The following C17orf67 variants were observed in gnomAD, a reference collection of about 807,000 sequenced individuals.
The protein encoded by C17orf67 is chromosome 17 open reading frame 67.
C17orf67 carries 12 observed loss-of-function variants against 11.2 expected under a neutral mutation model. That is an observed-to-expected ratio of 1.07 (90% CI 0.68 to 1.73). C17orf67 has a LOEUF of 1.73. C17orf67 is among the 40% of genes most tolerant of loss of function. The pLI is 0.00. For synonymous variants in C17orf67, 59 were observed against 46.9 expected, an observed-to-expected ratio of 1.26 and a Z score of -1.05; for missense variants, 115 against 113.5, an observed-to-expected ratio of 1.01 and a Z score of -0.06.
At chr17:56,806,929 GC>G (rs1905465873) in intron 6 of C17orf67, among the ~76,000 whole-genome samples, 1 of 152,224 alleles carries the variant, frequency 6.6e-6, no homozygotes, top group Admixed American at 6.5e-5. Flanking sequence ...TGTCCCCTTA[GC>G]CCAATGTGGA....
intron 7 of C17orf67, 131 bp from the exon 8 acceptor site, chr17:56,792,483 A>T (rs1905121030): frequency 7.2e-6 from 1 of 138,634 alleles, no homozygotes; most frequent in Non-Finnish European, 1.6e-5. Context: ...GATGATGGTT[A>T]TGATGGTGGT....
intron 7 of C17orf67, 134 bp downstream of exon 7, chr17:56,794,910 A>G (rs1159796454): frequency 1.9e-6 from 1 of 516,278 alleles, no homozygotes; most frequent in African/African-American, 2.2e-5. Flanking sequence ...CACTCTTGCC[A>G]CCCCCATTCC....
intron 2 of C17orf67, among the ~76,000 whole-genome samples, chr17:56,826,422 G>A (rs189122795): frequency 1.3e-5 from 2 of 152,206 alleles, no homozygotes; most frequent in African/African-American, 4.8e-5. Flanking sequence ...GCCCAAGGAG[G>A]TGAACTGACA....
intron 6 of C17orf67, among the ~76,000 whole-genome samples, chr17:56,799,821 G>A (rs1013956830): frequency 1.3e-5 from 2 of 152,012 alleles, no homozygotes; most frequent in Non-Finnish European, 2.9e-5. Context: ...CCCTAATGAT[G>A]TACGATGTTT....
intron 6 of C17orf67, among the ~76,000 whole-genome samples, chr17:56,806,282 A>AT (rs1426014329): frequency 6.6e-6 from 1 of 151,842 alleles, no homozygotes; most frequent in Admixed American, 6.6e-5. Context: ...CCTACAGTTG[A>AT]TTTTCTTTTA....
At chr17:56,809,181 C>A (rs1010023403) in intron 6 of C17orf67, among the ~76,000 whole-genome samples, 1 of 151,946 alleles carries the variant, frequency 6.6e-6, no homozygotes, top group Non-Finnish European at 1.5e-5. Flanking sequence ...TTCCTATTTC[C>A]CAGGTATGAC....
chr17:56,792,537 G>C (rs202041138), intron 7 of C17orf67, among the ~76,000 whole-genome samples, 185 bp from the exon 8 acceptor site: 1 of 149,000 alleles, frequency 6.7e-6, no homozygotes, highest in East Asian at 2.0e-4. Flanking sequence ...GGTGGTGGTG[G>C]TGGTGATGAT....
intron 6 of C17orf67, among the ~76,000 whole-genome samples, chr17:56,810,707 G>C (rs995219918): frequency 6.6e-6 from 1 of 152,244 alleles, no homozygotes. Context: ...ATGTGGGCCC[G>C]TATGGCAGCT....
chr17:56,831,103 G>C (rs1157483732), intron 2 of C17orf67, among the ~76,000 whole-genome samples: 1 of 152,164 alleles, frequency 6.6e-6, no homozygotes, highest in South Asian at 2.1e-4. Flanking sequence ...TAAAAGTTCA[G>C]AGGCAGCCTG....
chr17:56,815,543 T>G (rs1429602430), intron 5 of C17orf67, among the ~76,000 whole-genome samples: 2 of 152,158 alleles, frequency 1.3e-5, no homozygotes, highest in East Asian at 3.8e-4. Flanking sequence ...TGAGAATTAG[T>G]GCTCAAATAC....
At chr17:56,822,458 C>T (rs927201727) in intron 4 of C17orf67, among the ~76,000 whole-genome samples, 2 of 152,068 alleles carry the variant, frequency 1.3e-5, no homozygotes, top group African/African-American at 2.4e-5. Context: ...AATTTCTTAA[C>T]TTTCCAAATC....
At chr17:56,792,889 TGATGGTGGTGGG>T in intron 7 of C17orf67, among the ~76,000 whole-genome samples, 1 of 151,516 alleles carries the variant, frequency 6.6e-6, no homozygotes, top group South Asian at 2.1e-4. Flanking sequence ...GTGGTGGTGG[TGATGGTGGTGGG>T]GGTGATGGTG....
intron 5 of C17orf67, among the ~76,000 whole-genome samples, chr17:56,815,223 G>C (rs1315320800): frequency 6.6e-6 from 1 of 152,180 alleles, no homozygotes; most frequent in Non-Finnish European, 1.5e-5. Context: ...CCATCTCTTT[G>C]AAAGTGGGTA....
chr17:56,803,225 C>T (rs1055737010), intron 6 of C17orf67, among the ~76,000 whole-genome samples: 3 of 152,146 alleles, frequency 2.0e-5, no homozygotes, highest in African/African-American at 4.8e-5. Context: ...GTTTTATGTG[C>T]ATGTTGGGCA....
At chr17:56,833,490 C>T (rs1416456597) in intron 1 of C17orf67, 128 bp downstream of exon 1, 3 of 150,934 alleles carry the variant, frequency 2.0e-5, no homozygotes, top group African/African-American at 7.3e-5. Flanking sequence ...GGGCGGAAAC[C>T]GCGGCCGGGC....
chr17:56,797,769 G>A (rs1905240213), intron 6 of C17orf67, among the ~76,000 whole-genome samples: 1 of 152,138 alleles, frequency 6.6e-6, no homozygotes, highest in African/African-American at 2.4e-5. Flanking sequence ...TTATCAACAG[G>A]AATGTCACTT....
At chr17:56,811,401 C>T (rs752681183) in intron 6 of C17orf67, among the ~76,000 whole-genome samples, 1 of 152,186 alleles carries the variant, frequency 6.6e-6, no homozygotes, top group Non-Finnish European at 1.5e-5. Context: ...CCTGGTCATC[C>T]TTCAAGCCAC....
intron 6 of C17orf67, 149 bp from the exon 7 acceptor site, chr17:56,795,329 T>C (rs1192645967): frequency 2.5e-5 from 17 of 681,518 alleles, no homozygotes; most frequent in Non-Finnish European, 3.6e-5. Context: ...TGCCTCTCTG[T>C]AGGGAAGACC....
chr17:56,820,425 CA>C (rs1230364016), intron 4 of C17orf67, among the ~76,000 whole-genome samples: 1 of 152,150 alleles, frequency 6.6e-6, no homozygotes, highest in Non-Finnish European at 1.5e-5. Flanking sequence ...CATCGCAGGG[CA>C]CACTCTCACA....
Sources: gnomAD v4.1 joint callset for allele counts (sites outside exome capture counted in the v4.1 genomes callset) on GRCh38, gnomAD v4.1.1 for gene constraint, MANE v1.5 for transcripts, NCBI Gene and HGNC (gene_info 2026-07-23, HGNC 2026-07-21) for gene names.